The following TMEM74 variants were observed in gnomAD, a reference collection of about 807,000 sequenced individuals.
The protein encoded by TMEM74 is transmembrane protein 74.
A neutral mutation model predicts 18.1 loss-of-function variants in TMEM74; 13 were observed. The observed-to-expected ratio is 0.72, with a 90% CI of 0.47 to 1.14. TMEM74 has a LOEUF of 1.14. TMEM74 is among the 50% of genes most tolerant of loss of function. The pLI is 0.00. For missense variants in TMEM74, 372 were observed against 375.9 expected (o/e 0.99, Z 0.09); for synonymous variants, 159 against 146.6 (o/e 1.08, Z -0.61).
chr8:108,676,131 A>G (rs1385220078), intron 1 of TMEM74, among the ~76,000 whole-genome samples: 4 of 152,156 alleles, frequency 2.6e-5, no homozygotes, highest in Non-Finnish European at 5.9e-5. Flanking sequence ...GTGGGGAAAG[A>G]TATCAGGACT....
chr8:108,773,811 G>A (rs951290880), intron 1 of TMEM74, among the ~76,000 whole-genome samples: 9 of 152,130 alleles, frequency 5.9e-5, no homozygotes, highest in East Asian at 1.9e-4. Flanking sequence ...ATCCTCAGTC[G>A]CAGGCAAGCC....
At chr8:108,640,255 C>G (rs1035497147) in intron 2 of TMEM74, among the ~76,000 whole-genome samples, 1 of 150,932 alleles carries the variant, frequency 6.6e-6, no homozygotes, top group African/African-American at 2.4e-5. Context: ...GCCTCAGCCT[C>G]CTGAGTAGCT....
chr8:108,745,071 T>C (rs1049954325), intron 1 of TMEM74, among the ~76,000 whole-genome samples: 11 of 152,164 alleles, frequency 7.2e-5, no homozygotes, highest in Admixed American at 3.3e-4. Flanking sequence ...GATATTCCAT[T>C]TGAAGTCATA....
chr8:108,785,507 A>G (rs990097039), intron 1 of TMEM74, among the ~76,000 whole-genome samples: 7 of 152,200 alleles, frequency 4.6e-5, no homozygotes, highest in African/African-American at 1.7e-4. Flanking sequence ...GACAAATGAG[A>G]AAGGCAAGAG....
At chr8:108,642,729 A>T (rs924324600) in intron 2 of TMEM74, among the ~76,000 whole-genome samples, 4 of 152,206 alleles carry the variant, frequency 2.6e-5, no homozygotes, top group Non-Finnish European at 4.4e-5. Context: ...TATTTAGTGA[A>T]TGAATGAACT....
chr8:108,722,521 A>G (rs1813595562), intron 1 of TMEM74, among the ~76,000 whole-genome samples: 1 of 152,144 alleles, frequency 6.6e-6, no homozygotes, highest in African/African-American at 2.4e-5. Flanking sequence ...TTCGGTTTAA[A>G]TTTCAAGGAT....
chr8:108,747,628 T>C lies in TMEM74; in HGVS notation n.119+39848A>G, dbSNP rs1262908932. On this transcript the variant is annotated intron_variant and non_coding_transcript_variant, in intron 1 of 3. Coordinates refer to the TMEM74 transcript ENST00000518838. ...TTGTTACATAGGTAAACGTGTGCCA[T>C]GGTGGTTTGCTGCACAGATCATCCC... 2.0e-5 allele frequency among the ~76,000 whole-genome samples: 3 copies of C among 152,030 alleles called. No homozygotes were observed. In the South Asian group the frequency reaches 6.2e-4, roughly 32 times the overall value.
At chr8:108,722,514 G>A (rs1199436093) in intron 1 of TMEM74, among the ~76,000 whole-genome samples, 8 of 152,102 alleles carry the variant, frequency 5.3e-5, no homozygotes, top group Non-Finnish European at 1.0e-4. Context: ...GTGGGATTTC[G>A]GTTTAAATTT....
intron 2 of TMEM74, among the ~76,000 whole-genome samples, chr8:108,640,033 C>T (rs1812647459): frequency 6.7e-6 from 1 of 150,288 alleles, no homozygotes; most frequent in African/African-American, 2.4e-5. Flanking sequence ...CTAGATACTT[C>T]TTCTATGTCC....
At chr8:108,631,030 T>A (rs1043700674) in intron 2 of TMEM74, among the ~76,000 whole-genome samples, 5 of 151,962 alleles carry the variant, frequency 3.3e-5, no homozygotes, top group African/African-American at 7.2e-5. Context: ...ATTCACTTCA[T>A]GTGCACATCT....
intron 1 of TMEM74, among the ~76,000 whole-genome samples, chr8:108,660,827 C>A (rs1340728281): frequency 1.3e-5 from 2 of 151,942 alleles, no homozygotes; most frequent in Admixed American, 6.6e-5. Flanking sequence ...CAGATTTTAA[C>A]CGTTGCTTAT....
downstream of TMEM74, among the ~76,000 whole-genome samples, chr8:108,777,467 GAT>G (rs1456578128): frequency 1.3e-5 from 2 of 152,108 alleles, no homozygotes; most frequent in African/African-American, 4.8e-5. Context: ...GCTGTGAGTT[GAT>G]AGTTTTGACA....
downstream of TMEM74, among the ~76,000 whole-genome samples, chr8:108,777,004 T>A (rs1240400834): frequency 6.6e-6 from 1 of 152,194 alleles, no homozygotes; most frequent in Non-Finnish European, 1.5e-5. Context: ...AGAACCTCAC[T>A]CAAGATAATG....
chr8:108,776,165 G>A (rs898349736), downstream of TMEM74, among the ~76,000 whole-genome samples: 1 of 152,188 alleles, frequency 6.6e-6, no homozygotes, highest in Non-Finnish European at 1.5e-5. Flanking sequence ...ACAGGATTTT[G>A]TTGGGTTTTG....
rs1814367607 is a variant in TMEM74, at chr8:108,785,152, A to G, written c.-39-15T>C. On this transcript the variant is annotated splice_polypyrimidine_tract_variant and intron_variant, in intron 1 of 1. Transcript: ENST00000297459. Reference sequence around the variant, plus strand: ...TTCCGGAAAGTCTGCCAATAGCAACAGAGTTAGATAAGAACCCAACAGAAG... The same window carrying G: ...TTCCGGAAAGTCTGCCAATAGCAACGGAGTTAGATAAGAACCCAACAGAAG... 1 of 1,520,758 alleles carries G rather than the reference A, an allele frequency of 6.6e-7. No individual in the cohort carries two copies. The highest frequency in any genetic ancestry group is 1.4e-5 in the African/African-American group (1 of 71,858). The allele number at this position is 1,520,758 out of a possible 1,614,324, so 94.2% of individuals were successfully genotyped here.
intron 2 of TMEM74, among the ~76,000 whole-genome samples, chr8:108,612,722 A>G (rs948987739): frequency 1.3e-5 from 2 of 152,212 alleles, no homozygotes; most frequent in African/African-American, 2.4e-5. Flanking sequence ...AAGGTGGTTC[A>G]GCTCTCTCGT....
intron 1 of TMEM74, among the ~76,000 whole-genome samples, chr8:108,716,047 A>T (rs1813520699): frequency 6.6e-6 from 1 of 152,138 alleles, no homozygotes; most frequent in Admixed American, 6.5e-5. Context: ...AAAAGAAAAT[A>T]AAAAAGCAGG....
chr8:108,728,337 A>G (rs1813661669), intron 1 of TMEM74, among the ~76,000 whole-genome samples: 1 of 152,192 alleles, frequency 6.6e-6, no homozygotes, highest in Non-Finnish European at 1.5e-5. Context: ...AAGTGAGGCT[A>G]TAGACATCAG....
intron 1 of TMEM74, among the ~76,000 whole-genome samples, chr8:108,704,935 A>C (rs1199351056): frequency 6.6e-6 from 1 of 152,232 alleles, no homozygotes; most frequent in Non-Finnish European, 1.5e-5. Context: ...AGAGATTTGT[A>C]AATCTCAAAG....
Sources: allele counts gnomAD v4.1 joint callset (sites outside exome capture counted in the v4.1 genomes callset), GRCh38; gene constraint gnomAD v4.1.1; transcripts MANE v1.5; gene names NCBI Gene and HGNC (gene_info 2026-07-23, HGNC 2026-07-21).